The following ERCC6L2 variants were observed in gnomAD, a reference collection of about 807,000 sequenced individuals.
ERCC6L2 encodes the protein ERCC excision repair 6 like 2, also known as DNA excision repair protein ERCC-6-like 2.
Under a neutral mutation model 132.0 loss-of-function variants are expected in ERCC6L2, and 77 were observed. That is an observed-to-expected ratio of 0.58 (90% CI 0.49 to 0.71). The LOEUF (loss-of-function observed/expected upper bound fraction) is 0.71, where lower values mean the gene tolerates loss of function less well. Ranked by LOEUF, ERCC6L2 falls within the 30% of genes least tolerant of loss-of-function variation. ERCC6L2 has a pLI of 0.00. For synonymous variants in ERCC6L2, 583 were observed against 632.4 expected (o/e 0.92, Z 1.17); for missense variants, 1,542 against 1,837.6 (o/e 0.84, Z 2.94).
Position 95,916,401 on chromosome 9 carries a change from T to C in ERCC6L2, c.1125T>C (p.Leu375=). 1 of 1,590,018 alleles carries C rather than the reference T, an allele frequency of 6.3e-7. No homozygotes were observed. The highest frequency in any genetic ancestry group is 8.5e-7 in the Non-Finnish European group (1 of 1,172,384). The part of the protein sequence containing the change: ...SGWFLRRTKT[L]IKDQLPKKED... ...GGTTTCTCAGGCGCACCAAGACTCT[T>C]ATCAAGGATCAGTTGCCTAAGAAGG... is the stretch of plus-strand genomic sequence containing the variant. Residue 375 remains leucine (L), a synonymous_variant, in exon 6 of 19, where the codon CTT becomes CTC. Transcript: ENST00000653738.
intron 17 of ERCC6L2, among the ~76,000 whole-genome samples, chr9:96,000,474 A>AT (rs1833627605): frequency 6.6e-6 from 1 of 152,226 alleles, no homozygotes; most frequent in African/African-American, 2.4e-5. Context: ...TCACTTTTAA[A>AT]TCCCTTAAGG....
intron 17 of ERCC6L2, among the ~76,000 whole-genome samples, chr9:95,995,972 T>C (rs2099714389): frequency 6.6e-6 from 1 of 152,206 alleles, no homozygotes; most frequent in Non-Finnish European, 1.5e-5. Flanking sequence ...CTTTAATTGT[T>C]CAACTTTAAA....
chr9:96,005,357 GT>G (rs1055852814), intron 18 of ERCC6L2, among the ~76,000 whole-genome samples: 2 of 151,898 alleles, frequency 1.3e-5, no homozygotes, highest in African/African-American at 4.8e-5. Flanking sequence ...AGAGGAATGG[GT>G]TTGGCATCAA....
At chr9:95,953,407 T>C (rs997002483) in intron 12 of ERCC6L2, among the ~76,000 whole-genome samples, 1 of 151,982 alleles carries the variant, frequency 6.6e-6, no homozygotes, top group Admixed American at 6.6e-5. Flanking sequence ...AAACCCTGTC[T>C]CTACTAAAAA....
chr9:96,012,137 G>A (rs1247229059), intron 18 of ERCC6L2, 88 bp from the exon 19 acceptor site: 3 of 869,632 alleles, frequency 3.4e-6, no homozygotes, highest in Non-Finnish European at 4.6e-6. Flanking sequence ...ACCTTCTGTG[G>A]ACTCTACATT....
At chr9:96,028,745 C>T (rs1834414713) in intron 19 of ERCC6L2, among the ~76,000 whole-genome samples, 1 of 152,162 alleles carries the variant, frequency 6.6e-6, no homozygotes, top group Non-Finnish European at 1.5e-5. Flanking sequence ...TGACACAGAC[C>T]AGCAGGCAAA....
At chr9:95,921,382 G>A (rs1829862432) in intron 7 of ERCC6L2, 67 bp downstream of exon 7, 2 of 1,267,820 alleles carry the variant, frequency 1.6e-6, no homozygotes, top group Admixed American at 5.2e-5. Context: ...TAGTGTAAAA[G>A]AAAGTAGCAG....
chr9:96,026,263 C>G (rs1431161271), intron 19 of ERCC6L2, among the ~76,000 whole-genome samples: 3 of 152,228 alleles, frequency 2.0e-5, no homozygotes, highest in African/African-American at 7.2e-5. Context: ...CTGACGGGAA[C>G]AGGCTCCTGT....
chr9:95,942,851 CA>C (rs1340259248), intron 12 of ERCC6L2, among the ~76,000 whole-genome samples: 3 of 151,860 alleles, frequency 2.0e-5, no homozygotes, highest in Non-Finnish European at 2.9e-5. Context: ...TTCTAAGTTT[CA>C]AAGATAAAGA....
chr9:95,894,689 G>T (rs190676073), intron 2 of ERCC6L2, among the ~76,000 whole-genome samples: 1 of 149,938 alleles, frequency 6.7e-6, no homozygotes, highest in African/African-American at 2.5e-5. Flanking sequence ...CCACCTCCTG[G>T]GTTCAAGTGA....
chr9:95,882,640 C>T (rs1014198589), intron 2 of ERCC6L2, among the ~76,000 whole-genome samples: 2 of 150,828 alleles, frequency 1.3e-5, no homozygotes, highest in African/African-American at 4.9e-5. Flanking sequence ...ATTTCAGACA[C>T]CAATGATGGA....
chr9:95,983,894 G>A (rs1048070221), intron 17 of ERCC6L2, among the ~76,000 whole-genome samples: 8 of 152,108 alleles, frequency 5.3e-5, no homozygotes, highest in African/African-American at 7.2e-5. Context: ...TGACCCTTTC[G>A]TGTTTTCTTG....
intron 17 of ERCC6L2, among the ~76,000 whole-genome samples, chr9:95,994,437 G>A (rs1292575488): frequency 1.3e-5 from 2 of 152,216 alleles, no homozygotes; most frequent in African/African-American, 4.8e-5. Flanking sequence ...TTATGGAAGA[G>A]TTGGTGCAGC....
intron 11 of ERCC6L2, among the ~76,000 whole-genome samples, chr9:95,931,671 G>A (rs918158053): frequency 6.6e-6 from 1 of 152,174 alleles, no homozygotes; most frequent in East Asian, 1.9e-4. Flanking sequence ...GATAGATGGT[G>A]TGGCTAAATA....
In ERCC6L2 at chr9:95,978,139, G is replaced by A. The variant is rs370115465; in HGVS notation, c.3416G>A (p.Arg1139Gln). The change falls in exon 17 of 19, where the codon CGA (arginine) becomes CAA (glutamine). Residue 1139 changes from arginine (R) to glutamine (Q), a missense_variant. Arg to Gln is a conservative substitution (Grantham distance 43, BLOSUM62 1). Transcript: ENST00000653738. ...GSSKAENHMSRWAAHDVFELK... is the reference protein window; with the variant it reads ...GSSKAENHMSQWAAHDVFELK... ...AGCAAAGCTGAAAATCACATGAGCCGATGGGCAGCACATGACGTATTTGAG... is the reference window on the plus strand; with the variant it reads ...AGCAAAGCTGAAAATCACATGAGCCAATGGGCAGCACATGACGTATTTGAG... The A allele has an allele frequency of 3.2e-4, 432 of 1,367,374 alleles. 4 individuals are homozygous for A. The East Asian group carries it at 0.016, about 52-fold the overall frequency. 84.7% of individuals were successfully genotyped at this position (1,367,374 alleles called of 1,614,324 possible). A position where few individuals can be genotyped will look rare whatever the true frequency, so the allele number is the denominator to read the frequency against.
At chr9:96,009,050 A>C (rs1486609748) in intron 18 of ERCC6L2, among the ~76,000 whole-genome samples, 1 of 152,226 alleles carries the variant, frequency 6.6e-6, no homozygotes, top group Admixed American at 6.5e-5. Context: ...TGATCTGTCC[A>C]GCCTGATGAA....
intron 19 of ERCC6L2, among the ~76,000 whole-genome samples, chr9:96,028,929 A>G (rs1224809283): frequency 6.6e-6 from 1 of 152,208 alleles, no homozygotes. Context: ...TCCAAATACA[A>G]TTTGAACACA....
chr9:95,941,509 C>A lies in ERCC6L2; in HGVS notation c.1807C>A (p.Pro603Thr). 6.2e-7 allele frequency: 1 copy of A among 1,612,660 alleles called. No individual in the cohort carries two copies. The highest frequency in any genetic ancestry group is 8.5e-7 in the Non-Finnish European group (1 of 1,179,378). ...VGANVVVLFD[P>T]TWNPANDLQA... ...TGCCAATGTTGTTGTATTATTTGAT[C>A]CTACTTGGAATCCAGCCAATGATCT... is the stretch of plus-strand genomic sequence containing the variant. Residue 603 changes from proline to threonine, a missense_variant, in exon 12 of 19, where the codon CCT becomes ACT. Pro to Thr is a conservative substitution (Grantham distance 38, BLOSUM62 -1). This residue lies in a region of ERCC6L2 where 945 missense variants were observed against 1,105.2 expected (regional missense o/e 0.86). Transcript: ENST00000653738.
chr9:96,007,961 G>T (rs749203333), intron 18 of ERCC6L2, among the ~76,000 whole-genome samples: 1 of 152,108 alleles, frequency 6.6e-6, no homozygotes, highest in African/African-American at 2.4e-5. Flanking sequence ...TGGCCCCGCA[G>T]CTCTTTGGAG....
Sources: allele counts gnomAD v4.1 joint callset (sites outside exome capture counted in the v4.1 genomes callset), GRCh38; gene constraint gnomAD v4.1.1; regional missense constraint gnomAD v4.1.1; transcripts MANE v1.5; gene names NCBI Gene and HGNC (gene_info 2026-07-23, HGNC 2026-07-21).